CCDC69: variants seen among roughly 807,000 people sequenced by gnomAD.
CCDC69 encodes the protein coiled-coil domain-containing protein 69.
Under a neutral mutation model 40.3 loss-of-function variants are expected in CCDC69, and 38 were observed. The observed-to-expected ratio is 0.94, with a 90% confidence interval of 0.73 to 1.24. The LOEUF (loss-of-function observed/expected upper bound fraction) is 1.24, where lower values mean the gene tolerates loss of function less well. Ranked by LOEUF, CCDC69 falls within the 50% of genes most tolerant of loss-of-function variation. The pLI, the probability that CCDC69 is intolerant of heterozygous loss-of-function variation, is 0.00. For missense variants in CCDC69, 389 were observed against 357.9 expected, an observed-to-expected ratio of 1.09 and a Z score of -0.70; for synonymous variants, 141 against 138.9, an observed-to-expected ratio of 1.02 and a Z score of -0.11.
intron 1 of CCDC69, among the ~76,000 whole-genome samples, chr5:151,220,274 C>T (rs1340498795): frequency 6.6e-6 from 1 of 152,176 alleles, no homozygotes; most frequent in African/African-American, 2.4e-5. Flanking sequence ...GACTCTGTCA[C>T]ATACAGTCTT....
chr5:151,216,214 C>T (rs572065911), intron 1 of CCDC69, among the ~76,000 whole-genome samples: 11 of 152,284 alleles, frequency 7.2e-5, no homozygotes, highest in African/African-American at 2.6e-4. Context: ...CCGCCTTAGC[C>T]TCCCAAAGTG....
At chr5:151,211,288 CT>C (rs1752943490) in intron 1 of CCDC69, 1 of 152,326 alleles carries the variant, frequency 6.6e-6, no homozygotes, top group South Asian at 2.1e-4. Context: ...CTGAGAGTAT[CT>C]ACATCTGGTT....
Position 151,223,932 on chromosome 5 carries a change from G to A in CCDC69, c.39C>T (p.Pro13=), listed in dbSNP as rs1753175497. Residue 13 remains proline (P), a synonymous_variant, in exon 1 of 9, where the codon CCC becomes CCT. Coordinates refer to ENST00000355417, the MANE Select transcript of CCDC69 (RefSeq NM_015621.3). ...CRHSRLSSCK[P]PKKKRQEPEP... ...CGCCGGCGCCCTTTACCTTTTTCGGGGGTTTGCAGCTGCTCAGCCTGCTGT... is the reference window on the plus strand; with the variant it reads ...CGCCGGCGCCCTTTACCTTTTTCGGAGGTTTGCAGCTGCTCAGCCTGCTGT... 2 of 1,582,650 alleles carry A rather than the reference G, an allele frequency of 1.3e-6. No individual in the cohort carries two copies. The highest frequency in any genetic ancestry group is 1.7e-6 in the Non-Finnish European group (2 of 1,166,928).
At position 151,201,559 on chromosome 5, in the gene CCDC69, G is replaced by A. The variant is rs755329343; in HGVS notation, c.231+23C>T. ...AGTTAGCTGAGCAGGAGAAAGACAG[G>A]GGGTGGGGGCACCTGGACTTACCTG... is the stretch of plus-strand genomic sequence containing the variant. On this transcript the variant is annotated intron_variant, in intron 3 of 8. Coordinates refer to ENST00000355417, the MANE Select transcript of CCDC69 (RefSeq NM_015621.3). The A allele has an allele frequency of 7.9e-6, 12 of 1,513,330 alleles. No homozygotes were observed. In the South Asian group the frequency reaches 1.2e-4, roughly 16 times the overall value. 93.7% of individuals were successfully genotyped at this position (1,513,330 alleles called of 1,614,324 possible).
chr5:151,217,709 A>C (rs879416315), intron 1 of CCDC69, among the ~76,000 whole-genome samples: 5 of 152,150 alleles, frequency 3.3e-5, no homozygotes, highest in Admixed American at 3.3e-4. Context: ...GTCTGTGTCC[A>C]AATTTCCCTC....
chr5:151,183,754 C>A lies in CCDC69; in HGVS notation c.714-140G>T, dbSNP rs537510808. On this transcript the variant is annotated intron_variant, in intron 8 of 8. Coordinates refer to ENST00000355417, the MANE Select transcript of CCDC69 (RefSeq NM_015621.3). ...ACTGCCCTCCTTGTTGGCCTGTATA[C>A]AAGAGGCAATTCAATCTGTTGACCA... 29 of 713,224 alleles carry A rather than the reference C, an allele frequency of 4.1e-5. No individual in the cohort carries two copies. In the East Asian group the frequency reaches 5.7e-4, roughly 14 times the overall value. 44.2% of individuals were successfully genotyped at this position (713,224 alleles called of 1,614,324 possible). A position where few individuals can be genotyped will look rare whatever the true frequency, so the allele number is the denominator to read the frequency against.
intron 4 of CCDC69, 126 bp from the exon 5 acceptor site, chr5:151,187,585 G>A (rs1752542925): frequency 1.5e-6 from 1 of 682,008 alleles, no homozygotes; most frequent in African/African-American, 1.8e-5. Context: ...TCTAGGAACG[G>A]TCTTATTCAT....
chr5:151,210,476 G>A (rs1582049018), intron 1 of CCDC69, among the ~76,000 whole-genome samples: 1 of 152,060 alleles, frequency 6.6e-6, no homozygotes, highest in Non-Finnish European at 1.5e-5. Context: ...CCCAGGAGGT[G>A]GAGGTTGCAG....
At chr5:151,190,387 C>T (rs757401346) in intron 4 of CCDC69, among the ~76,000 whole-genome samples, 26 of 152,038 alleles carry the variant, frequency 1.7e-4, no homozygotes, top group Non-Finnish European at 3.2e-4. Flanking sequence ...AATTTCAGGC[C>T]GGGCGTGGTG....
At chr5:151,192,175 G>A (rs1283940097) in intron 4 of CCDC69, among the ~76,000 whole-genome samples, 1 of 78,344 alleles carries the variant, frequency 1.3e-5, no homozygotes, top group Non-Finnish European at 2.4e-5. Context: ...GGAAGGAAAT[G>A]AAAATAACAG....
chr5:151,208,654 G>A (rs1752886663), intron 1 of CCDC69, among the ~76,000 whole-genome samples: 1 of 152,260 alleles, frequency 6.6e-6, no homozygotes. Context: ...GGAATCTGGG[G>A]AAGTGACAGC....
At chr5:151,196,601 G>A (rs149907411) in intron 4 of CCDC69, among the ~76,000 whole-genome samples, 5 of 152,226 alleles carry the variant, frequency 3.3e-5, no homozygotes, top group Admixed American at 2.6e-4. Flanking sequence ...AGATACACAA[G>A]TCACCAAGAA....
intron 1 of CCDC69, among the ~76,000 whole-genome samples, chr5:151,218,889 A>T (rs1388320011): frequency 6.6e-6 from 1 of 152,214 alleles, no homozygotes; most frequent in East Asian, 1.9e-4. Context: ...AAAAACATGT[A>T]CATGTGCAGA....
chr5:151,215,988 C>G (rs893772546), intron 1 of CCDC69, among the ~76,000 whole-genome samples: 3 of 152,166 alleles, frequency 2.0e-5, no homozygotes, highest in African/African-American at 7.2e-5. Flanking sequence ...TAAACTATTT[C>G]TTTTCTGTCA....
chr5:151,203,601 A>T (rs968460967), intron 2 of CCDC69, among the ~76,000 whole-genome samples: 1 of 141,450 alleles, frequency 7.1e-6, no homozygotes, highest in Non-Finnish European at 1.5e-5. Context: ...TTTATATATT[A>T]GTAAATATAT....
In CCDC69 at chr5:151,223,103, C is replaced by T. The variant is rs895844811; in HGVS notation, c.48+820G>A. Among the ~76,000 whole-genome samples, 4 of 152,188 alleles carry T rather than the reference C, an allele frequency of 2.6e-5. No individual in the cohort carries two copies. In the South Asian group the frequency reaches 6.2e-4, roughly 24 times the overall value. On this transcript the variant is annotated intron_variant, in intron 1 of 8. Transcript: ENST00000355417. ...TTTGAGGGTCCTTCTTCCCCTCTGC[C>T]TCACAGTGTCCCCTGAGGAGGCTAT...
At chr5:151,204,937 T>G (rs1752832388) in intron 2 of CCDC69, among the ~76,000 whole-genome samples, 1 of 152,098 alleles carries the variant, frequency 6.6e-6, no homozygotes. Flanking sequence ...GATGCTGAGT[T>G]TTGGGTACAA....
intron 1 of CCDC69, among the ~76,000 whole-genome samples, chr5:151,207,810 T>TA (rs57093318): frequency 1.3e-5 from 2 of 151,384 alleles, no homozygotes; most frequent in Non-Finnish European, 2.9e-5. Flanking sequence ...AGGATTTGGG[T>TA]AAAAAAAATT....
intron 1 of CCDC69, among the ~76,000 whole-genome samples, chr5:151,210,321 A>T (rs777089418): frequency 6.6e-6 from 1 of 152,124 alleles, no homozygotes; most frequent in African/African-American, 2.4e-5. Context: ...AGGTGGGTGG[A>T]TCATTTGAGG....
Sources: allele counts gnomAD v4.1 joint callset (sites outside exome capture counted in the v4.1 genomes callset), GRCh38; gene constraint gnomAD v4.1.1; transcripts MANE v1.5; gene names NCBI Gene and HGNC (gene_info 2026-07-23, HGNC 2026-07-21).